The following SEMA3D variants were observed in gnomAD, a reference collection of about 807,000 sequenced individuals.
SEMA3D encodes semaphorin-3D.
SEMA3D carries 84 observed loss-of-function variants against 100.1 expected under a neutral mutation model. The observed-to-expected ratio is 0.84, with a 90% CI of 0.70 to 1.01. The LOEUF is 1.01. Among genes scored for constraint, SEMA3D ranks in the 50% least tolerant of loss-of-function variants. SEMA3D has a pLI of 0.00. For synonymous variants in SEMA3D, 312 were observed against 320.7 expected, an observed-to-expected ratio of 0.97 and a Z score of 0.29; for missense variants, 875 against 934.1, an observed-to-expected ratio of 0.94 and a Z score of 0.82.
chr7:85,148,402 A>G (rs1009624554), intron 2 of SEMA3D, among the ~76,000 whole-genome samples: 1 of 152,204 alleles, frequency 6.6e-6, no homozygotes, highest in African/African-American at 2.4e-5. Context: ...AATGGTTAAC[A>G]TCATCTAGTT....
chr7:85,106,892 C>T (rs1788943220), intron 3 of SEMA3D, among the ~76,000 whole-genome samples: 1 of 151,904 alleles, frequency 6.6e-6, no homozygotes, highest in Admixed American at 6.6e-5. Flanking sequence ...ATGGGGGAAA[C>T]CGCCCTCATG....
chr7:85,030,943 G>A (rs911814641), intron 12 of SEMA3D, among the ~76,000 whole-genome samples: 1 of 144,542 alleles, frequency 6.9e-6, no homozygotes, highest in Admixed American at 7.2e-5. Flanking sequence ...GGGCAATAAT[G>A]ATTGAAAAAA....
Position 85,036,943 on chromosome 7 carries a change from T to A in SEMA3D, c.1137A>T (p.Ala379=). 1 of 1,613,482 alleles carries A rather than the reference T, an allele frequency of 6.2e-7. No individual in the cohort carries two copies. Among genetic ancestry groups the A allele is most frequent in the Non-Finnish European group, 8.5e-7 (1 of 1,179,534 alleles). ...FNGPYAHKES[A]DHRWVQYDGR... ...CATCATACTGCACCCAACGATGGTCTGCACTTTCCTTATGAGCATATGGAC... is the reference window on the plus strand; with the variant it reads ...CATCATACTGCACCCAACGATGGTCAGCACTTTCCTTATGAGCATATGGAC... The change falls in exon 12 of 19, where the codon GCA becomes GCT. Residue 379 remains alanine, a synonymous_variant. Transcript: ENST00000284136.
the SEMA3D span, among the ~76,000 whole-genome samples, chr7:85,200,197 G>A: frequency 1.3e-5 from 2 of 152,188 alleles, no homozygotes; most frequent in African/African-American, 2.4e-5. Flanking sequence ...AAAAATGTGG[G>A]AGTGACTTTG....
chr7:85,107,312 C>A lies in SEMA3D; in HGVS notation c.152-9347G>T, dbSNP rs181780346. Reference sequence around the variant, plus strand: ...CAGATGAAAGTTCTTAATCACTTGCCCAAGGAGCATCATCTGGTAAAGGTG... The same window carrying A: ...CAGATGAAAGTTCTTAATCACTTGCACAAGGAGCATCATCTGGTAAAGGTG... On this transcript the variant is annotated intron_variant, in intron 3 of 18. Transcript: ENST00000284136. Among the ~76,000 whole-genome samples the A allele has an allele frequency of 5.6e-4, 85 of 152,032 alleles. 1 individual carries two copies. Among genetic ancestry groups the A allele is most frequent in the Admixed American group, 1.4e-3 (22 of 15,234 alleles).
intron 3 of SEMA3D, among the ~76,000 whole-genome samples, chr7:85,109,887 A>G (rs1789044920): frequency 6.6e-6 from 1 of 152,014 alleles, no homozygotes; most frequent in African/African-American, 2.4e-5. Context: ...AGTTTATAGA[A>G]TAGTAAACCA....
chr7:85,059,325 TTAA>T (rs1272876159), intron 8 of SEMA3D, among the ~76,000 whole-genome samples: 3 of 152,178 alleles, frequency 2.0e-5, no homozygotes, highest in Admixed American at 1.3e-4. Flanking sequence ...GCGTGGGGAA[TTAA>T]TAATAAATTC....
the SEMA3D span, among the ~76,000 whole-genome samples, chr7:85,213,059 T>C: frequency 6.6e-6 from 1 of 152,062 alleles, no homozygotes; most frequent in African/African-American, 2.4e-5. Context: ...CATTTAGGAA[T>C]TGTTACTGCT....
At chr7:85,043,248 A>G (rs1384898847) in intron 9 of SEMA3D, among the ~76,000 whole-genome samples, 1 of 152,024 alleles carries the variant, frequency 6.6e-6, no homozygotes, top group Non-Finnish European at 1.5e-5. Context: ...AATCCCCGCT[A>G]TTCAGGAGGC....
At chr7:85,166,409 G>A (rs546393924) in intron 1 of SEMA3D, among the ~76,000 whole-genome samples, 5 of 151,944 alleles carry the variant, frequency 3.3e-5, no homozygotes, top group Non-Finnish European at 5.9e-5. Flanking sequence ...TGGCAGTGAC[G>A]ATGGAAAGGA....
intron 2 of SEMA3D, among the ~76,000 whole-genome samples, chr7:85,126,399 TGTGTC>T (rs748845433): frequency 0.15 from 18,524 of 120,332 alleles, 1,113 homozygotes; most frequent in Non-Finnish European, 0.2. Context: ...TGTGTGTGTG[TGTGTC>T]GTGTGTGTGT....
chr7:85,039,343 C>T (rs1017830411), intron 11 of SEMA3D, among the ~76,000 whole-genome samples: 5 of 152,076 alleles, frequency 3.3e-5, no homozygotes, highest in African/African-American at 1.2e-4. Flanking sequence ...CTGCAACCTC[C>T]GCCTTTCAAG....
At chr7:85,231,529 C>A in the SEMA3D span, among the ~76,000 whole-genome samples, 2 of 149,190 alleles carry the variant, frequency 1.3e-5, no homozygotes, top group Non-Finnish European at 3.0e-5. Flanking sequence ...CGGCTCACTG[C>A]AAGCTCCGCC....
At chr7:85,227,078 T>C in the SEMA3D span, among the ~76,000 whole-genome samples, 1 of 152,230 alleles carries the variant, frequency 6.6e-6, no homozygotes, top group South Asian at 2.1e-4. Context: ...ATTGAGTTAA[T>C]TGACTCTTTT....
At chr7:85,135,780 TA>T (rs77193345) in intron 2 of SEMA3D, among the ~76,000 whole-genome samples, 81,587 of 142,194 alleles carry the variant, frequency 0.57, 23,944 homozygotes, top group African/African-American at 0.75. Context: ...GTTGGCTCAG[TA>T]AAAAAAAAAA....
the SEMA3D span, among the ~76,000 whole-genome samples, chr7:85,232,451 AG>A: frequency 1.3e-5 from 2 of 152,228 alleles, no homozygotes; most frequent in African/African-American, 2.4e-5. Context: ...TCCGTAAAAA[AG>A]GTGGTGGCAG....
At chr7:85,072,309 T>C (rs990074224) in intron 6 of SEMA3D, among the ~76,000 whole-genome samples, 4 of 152,170 alleles carry the variant, frequency 2.6e-5, no homozygotes, top group Non-Finnish European at 5.9e-5. Context: ...AACAATAAAG[T>C]CATTGTGCCA....
At chr7:85,098,464 A>G (rs1371957815) in intron 3 of SEMA3D, among the ~76,000 whole-genome samples, 1 of 151,950 alleles carries the variant, frequency 6.6e-6, no homozygotes, top group African/African-American at 2.4e-5. Flanking sequence ...CAAAGTAAAC[A>G]TCAAATCAAG....
chr7:85,150,647 T>C (rs976799839), intron 2 of SEMA3D, among the ~76,000 whole-genome samples: 2 of 151,702 alleles, frequency 1.3e-5, no homozygotes, highest in Non-Finnish European at 2.9e-5. Context: ...CATCTTAATG[T>C]TCATTTTAAC....
Sources: gnomAD v4.1 joint callset for allele counts (sites outside exome capture counted in the v4.1 genomes callset) on GRCh38, gnomAD v4.1.1 for gene constraint, MANE v1.5 for transcripts, NCBI Gene and HGNC (gene_info 2026-07-23, HGNC 2026-07-21) for gene names.